The following ZNF600 variants were observed in gnomAD, a reference collection of about 807,000 sequenced individuals.
ZNF600 encodes the protein zinc finger protein 600.
In ZNF600, 4 loss-of-function variants were observed where a neutral mutation model predicts 7.3. That is an observed-to-expected ratio of 0.55 (90% confidence interval 0.27 to 1.25). ZNF600 has a LOEUF of 1.25. Ranked by LOEUF, ZNF600 falls within the 50% of genes most tolerant of loss-of-function variation. ZNF600 has a pLI of 0.12. For missense variants in ZNF600, 911 were observed against 922.1 expected, an observed-to-expected ratio of 0.99 and a Z score of 0.16; for synonymous variants, 290 against 308.9, an observed-to-expected ratio of 0.94 and a Z score of 0.64.
chr19:52,773,880 A>G (rs2062650758), intron 3 of ZNF600, among the ~76,000 whole-genome samples: 2 of 151,448 alleles, frequency 1.3e-5, no homozygotes, highest in South Asian at 4.2e-4. Context: ...AAAAAAAAAA[A>G]GAAGAAACTA....
At chr19:52,808,255 C>T in the ZNF600 span, 462 of 1,507,798 alleles carry the variant, frequency 3.1e-4, no homozygotes, top group Non-Finnish European at 3.5e-4. Context: ...ATCCGAGTGA[C>T]GGATTTTTCA....
chr19:52,791,499 G>A (rs1254882338), upstream of ZNF600, among the ~76,000 whole-genome samples: 1 of 152,180 alleles, frequency 6.6e-6, no homozygotes, highest in East Asian at 1.9e-4. Context: ...CACTTCACCT[G>A]AGGAAGAGCC....
At chr19:52,771,604 A>G (rs2062630654) in intron 3 of ZNF600, among the ~76,000 whole-genome samples, 1 of 152,088 alleles carries the variant, frequency 6.6e-6, no homozygotes, top group African/African-American at 2.4e-5. Flanking sequence ...CAGCCTCACA[A>G]GAAGCTGGGA....
chr19:52,781,944 C>T (rs943669409), intron 1 of ZNF600, among the ~76,000 whole-genome samples: 3 of 151,480 alleles, frequency 2.0e-5, no homozygotes, highest in African/African-American at 7.3e-5. Flanking sequence ...GCCTGTAATC[C>T]CAGCTATTCA....
the ZNF600 span, among the ~76,000 whole-genome samples, chr19:52,793,744 G>A: frequency 6.6e-4 from 99 of 149,734 alleles, no homozygotes; most frequent in Non-Finnish European, 1.2e-3. Context: ...TCCAGCCTGG[G>A]TGAGAAGAGC....
At chr19:52,776,307 C>T (rs540914881) in intron 2 of ZNF600, among the ~76,000 whole-genome samples, 2 of 152,088 alleles carry the variant, frequency 1.3e-5, no homozygotes, top group African/African-American at 4.8e-5. Flanking sequence ...ATGGGTTTAT[C>T]TAGTGGAGAG....
the ZNF600 span, among the ~76,000 whole-genome samples, chr19:52,802,991 G>C: frequency 4.0e-5 from 6 of 148,564 alleles, no homozygotes; most frequent in South Asian, 2.1e-4. Context: ...TCGATCTCCT[G>C]ACCTTGTGAT....
the ZNF600 span, among the ~76,000 whole-genome samples, chr19:52,823,982 G>A: frequency 6.6e-6 from 1 of 151,886 alleles, no homozygotes; most frequent in Admixed American, 6.6e-5. Context: ...TGAATCGCTT[G>A]AGCCCAGGAG....
At chr19:52,831,145 C>T in the ZNF600 span, among the ~76,000 whole-genome samples, 10 of 152,270 alleles carry the variant, frequency 6.6e-5, no homozygotes, top group Admixed American at 6.5e-4. Context: ...TTCATACACA[C>T]ACACAAAATG....
intron 1 of ZNF600, among the ~76,000 whole-genome samples, chr19:52,779,748 A>C (rs1310694354): frequency 6.6e-6 from 1 of 152,138 alleles, no homozygotes; most frequent in Admixed American, 6.5e-5. Context: ...GACTAATCAG[A>C]AACTCAAAAG....
chr19:52,799,462 T>C, the ZNF600 span: 4 of 864,824 alleles, frequency 4.6e-6, no homozygotes, highest in Non-Finnish European at 7.4e-6. Context: ...GTATGAATTC[T>C]ATGATGACGT....
chr19:52,781,093 T>C (rs953287378), intron 1 of ZNF600, 38 bp from the exon 3 acceptor site: 6 of 151,456 alleles, frequency 4.0e-5, no homozygotes, highest in Non-Finnish European at 7.4e-5. Flanking sequence ...GGGTTAAAGC[T>C]GTGAGATGAT....
intron 1 of ZNF600, among the ~76,000 whole-genome samples, chr19:52,785,297 G>C (rs1401554797): frequency 6.6e-6 from 1 of 151,118 alleles, no homozygotes; most frequent in Non-Finnish European, 1.5e-5. Context: ...GTGCAGGCTG[G>C]AGTGCACCGG....
At chr19:52,812,511 T>TTAAA in the ZNF600 span, among the ~76,000 whole-genome samples, 1 of 122,800 alleles carries the variant, frequency 8.1e-6, no homozygotes, top group African/African-American at 3.5e-5. Flanking sequence ...CCACTCAGGG[T>TTAAA]TAAATGGATT....
chr19:52,784,556 T>C (rs1600402347), intron 1 of ZNF600, among the ~76,000 whole-genome samples: 1 of 152,310 alleles, frequency 6.6e-6, no homozygotes, highest in Non-Finnish European at 1.5e-5. Context: ...AAGTAGAAGC[T>C]AACCTCTGAT....
At chr19:52,810,440 A>C in the ZNF600 span, 1 of 1,599,606 alleles carries the variant, frequency 6.3e-7, no homozygotes, top group African/African-American at 1.3e-5. Flanking sequence ...AAGGGTTTGC[A>C]TATATAGAGT....
chr19:52,767,626 T>A, exon 4 of ZNF600: 2 of 1,614,048 alleles, frequency 1.2e-6, no homozygotes, highest in Non-Finnish European at 1.7e-6. Context: ...TGAAACTCAA[T>A]ATCATGAATT....
chr19:52,767,643 T>C (rs1354144238), exon 4 of ZNF600: 1 of 1,614,016 alleles, frequency 6.2e-7, no homozygotes, highest in African/African-American at 1.3e-5. Flanking sequence ...AATTTCTTTC[T>C]CAATTTCCTG....
chr19:52,780,084 C>T (rs73584549), intron 1 of ZNF600, among the ~76,000 whole-genome samples: 8,484 of 152,070 alleles, frequency 0.056, 749 homozygotes, highest in African/African-American at 0.19. Flanking sequence ...AAGCCCACTC[C>T]GTGCTTCAAG....
Sources: gnomAD v4.1 joint callset for allele counts (sites outside exome capture counted in the v4.1 genomes callset) on GRCh38, gnomAD v4.1.1 for gene constraint, MANE v1.5 for transcripts, NCBI Gene and HGNC (gene_info 2026-07-23, HGNC 2026-07-21) for gene names.